Variants in CYP51A1 observed in about 807,000 individuals in gnomAD.
CYP51A1 encodes cytochrome P450 family 51 subfamily A member 1, also known as lanosterol 14-alpha demethylase.
Under a neutral mutation model 53.5 loss-of-function variants are expected in CYP51A1, and 45 were observed. The observed-to-expected ratio is 0.84, with a 90% CI of 0.66 to 1.08. The LOEUF is 1.08. Ranked by LOEUF, CYP51A1 falls within the 50% of genes least tolerant of loss-of-function variation. The pLI is 0.00. For missense variants in CYP51A1, 462 were observed against 621.7 expected (o/e 0.74, Z 2.73); for synonymous variants, 181 against 217.7 (o/e 0.83, Z 1.48).
At chr7:92,129,166 T>A in intron 2 of CYP51A1, 110 bp from the exon 3 acceptor site, 1 of 637,894 alleles carries the variant, frequency 1.6e-6, no homozygotes, top group South Asian at 2.8e-5. Flanking sequence ...AAAACATATA[T>A]AAACCTTAAA....
chr7:92,123,191 G>A lies in CYP51A1; in HGVS notation c.1015C>T (p.Leu339Phe). 1.2e-6 allele frequency: 2 copies of A among 1,613,766 alleles called. No individual in the cohort carries two copies. The highest frequency in any genetic ancestry group is 1.7e-6 in the Non-Finnish European group (2 of 1,179,800). ...TGTTCTAAATAACATTTTTTTTGAA[G>A]TGTTTTGTCTCTGGCCAAAAAGAAG... ...MGFFLARDKTLQKKCYLEQKT... is the reference protein window; with the variant it reads ...MGFFLARDKTFQKKCYLEQKT... The change falls in exon 7 of 10, where the codon CTT becomes TTT. Residue 339 changes from leucine (L) to phenylalanine (F), a missense_variant. By Grantham distance (22) the Leu-to-Phe change is conservative. Transcript: ENST00000003100.
rs368928252 is a variant in CYP51A1 at position 92,127,634 on chromosome 7, T to C, written c.469-3A>G. The C allele has an allele frequency of 3.1e-6, 5 of 1,613,264 alleles. No homozygotes were observed. In the African/African-American group the frequency reaches 5.3e-5, roughly 17 times the overall value. On this transcript the variant is annotated splice_polypyrimidine_tract_variant and splice_region_variant and intron_variant, in intron 3 of 9. Coordinates refer to ENST00000003100, the MANE Select transcript of CYP51A1 (RefSeq NM_000786.4). ...ATTTTCTTCTGCTCCAAGAAAACCT[T>C]CAAAAAAATTCAAAACGGGGATACG...
chr7:92,128,428 C>CTCTGTGTGTGTGTGTGTGTGTGTG lies in CYP51A1; in HGVS notation c.468+451_468+452insCACACACACACACACACACACAGA, dbSNP rs112952169. 4.1e-4 allele frequency among the ~76,000 whole-genome samples: 59 copies of CTCTGTGTGTGTGTGTGTGTGTGTG among 143,130 alleles called. 1 individual carries two copies. Among genetic ancestry groups the CTCTGTGTGTGTGTGTGTGTGTGTG allele is most frequent in the African/African-American group, 1.3e-3 (51 of 38,672 alleles). 93.9% of individuals were successfully genotyped at this position (143,130 alleles called of 152,430 possible). A position where few individuals can be genotyped will look rare whatever the true frequency, so the allele number is the denominator to read the frequency against. ...TATTACATTTTTGTTTGGTTGGTTT[C>CTCTGTGTGTGTGTGTGTGTGTGTG]TGTGTGTGTGTGTGTGTGTGTGTGT... On this transcript the variant is annotated intron_variant, in intron 3 of 9. Transcript: ENST00000003100.
chr7:92,113,509 A>G lies in CYP51A1; in HGVS notation c.*156T>C. On this transcript the variant is annotated 3_prime_UTR_variant, in exon 10 of 10. Coordinates refer to ENST00000003100, the MANE Select transcript of CYP51A1 (RefSeq NM_000786.4). Reference sequence around the variant, plus strand: ...AAATGCTATTATATTTGATAGAACCATTCAGTTAACAAAATCCTAAATCAT... The same window carrying G: ...AAATGCTATTATATTTGATAGAACCGTTCAGTTAACAAAATCCTAAATCAT... 1.6e-6 allele frequency: 1 copy of G among 638,552 alleles called. No homozygotes were observed. The highest frequency in any genetic ancestry group is 2.7e-6 in the Non-Finnish European group (1 of 373,686). 39.6% of individuals were successfully genotyped at this position (638,552 alleles called of 1,614,324 possible).
chr7:92,112,587 T>C lies in CYP51A1; in HGVS notation c.*1078A>G, dbSNP rs1328235086. The C allele has an allele frequency of 1.3e-5, 2 of 152,202 alleles. No homozygotes were observed. The highest frequency in any genetic ancestry group is 2.9e-5 in the Non-Finnish European group (2 of 68,140). The allele number at this position is 152,202 out of a possible 1,614,324, so 9.4% of individuals were successfully genotyped here. A position where few individuals can be genotyped will look rare whatever the true frequency, so the allele number is the denominator to read the frequency against. ...GCTCATGCCTGTAATCCCAGCACTT[T>C]GGGAGGCCAAGGCGGGTGGATCACG... On this transcript the variant is annotated 3_prime_UTR_variant, in exon 10 of 10. Transcript: ENST00000003100.
At position 92,113,379 on chromosome 7, in the gene CYP51A1, T is replaced by G; in HGVS notation, c.*286A>C. The G allele has an allele frequency of 3.5e-6, 1 of 287,078 alleles. No homozygotes were observed. Among genetic ancestry groups the G allele is most frequent in the Admixed American group, 5.5e-5 (1 of 18,082 alleles). The allele number at this position is 287,078 out of a possible 1,614,324, so 17.8% of individuals were successfully genotyped here. A position where few individuals can be genotyped will look rare whatever the true frequency, so the allele number is the denominator to read the frequency against. ...TTAAAATTACTATCTGGAAATTATA[T>G]TATTTAGAATCTGCCAATTACCTAG... On this transcript the variant is annotated 3_prime_UTR_variant, in exon 10 of 10. Transcript: ENST00000003100.
intron 5 of CYP51A1, among the ~76,000 whole-genome samples, chr7:92,125,399 C>T (rs1173897995): frequency 1.3e-5 from 2 of 152,084 alleles, no homozygotes; most frequent in Admixed American, 6.5e-5. Flanking sequence ...CAATCTATCT[C>T]CTCCCCATCT....
Position 92,126,354 on chromosome 7 carries a change from A to C in CYP51A1, c.669T>G (p.Ser223Arg). 6.2e-7 allele frequency: 1 copy of C among 1,613,550 alleles called. No homozygotes were observed. The highest frequency in any genetic ancestry group is 8.5e-7 in the Non-Finnish European group (1 of 1,179,748). The change falls in exon 5 of 10, where the codon AGT becomes AGG. Residue 223 changes from serine (S) to arginine (R), a missense_variant. Transcript: ENST00000003100. ...SHCLHGKEIR[S>R]QLNEKVAQLY... ...GCTGTGCTACCTTTTCATTGAGTTG[A>C]CTTCTGATTTCCTTTCCATGCAAAC...
At chr7:92,123,883 T>A in intron 5 of CYP51A1, 30 bp from the exon 6 acceptor site, 1 of 1,534,758 alleles carries the variant, frequency 6.5e-7, no homozygotes, top group South Asian at 1.3e-5. Context: ...ATGATTTTCT[T>A]AAATAAAGAA....
chr7:92,113,947 TAA>T, intron 9 of CYP51A1, 104 bp from the exon 10 acceptor site: 1 of 650,120 alleles, frequency 1.5e-6, no homozygotes, highest in East Asian at 2.9e-5. Context: ...AATGTACAGA[TAA>T]TATAATAAAA....
rs1303110588 is a variant in CYP51A1 at position 92,134,381 on chromosome 7, A to G, written c.-17T>C. ...CGCCGCCATTCACTCCGTCGGAAAC[A>G]CTGAAGGCCGAGGTCGCCACCGCTC... On this transcript the variant is annotated 5_prime_UTR_variant, in exon 1 of 10. Coordinates refer to ENST00000003100, the MANE Select transcript of CYP51A1 (RefSeq NM_000786.4). 3 of 1,556,448 alleles carry G rather than the reference A, an allele frequency of 1.9e-6. No homozygotes were observed. The highest frequency in any genetic ancestry group is 1.2e-5 in the South Asian group (1 of 84,776).
rs751210534 is a variant in CYP51A1, at chr7:92,134,260, C to A, written c.105G>T (p.Met35Ile). ...GGGTGAAGGCGCAGGCGATCAGCAG[C>A]ATGGACAAGAGGTTGCCGCCTGTCA... ...EKVTGGNLLSMLLIACAFTLS... is the reference protein window; with the variant it reads ...EKVTGGNLLSILLIACAFTLS... Residue 35 changes from methionine (M) to isoleucine (I), a missense_variant, in exon 1 of 10, where the codon ATG becomes ATT. Met to Ile is a conservative substitution (Grantham distance 10, BLOSUM62 1). Coordinates refer to ENST00000003100, the MANE Select transcript of CYP51A1 (RefSeq NM_000786.4). 8 of 1,613,370 alleles carry A rather than the reference C, an allele frequency of 5.0e-6. No individual in the cohort carries two copies. The highest frequency in any genetic ancestry group is 5.1e-6 in the Non-Finnish European group (6 of 1,179,728).
In CYP51A1 at chr7:92,125,092, C is replaced by T. The variant is rs371110846; in HGVS notation, c.770+1161G>A. On this transcript the variant is annotated intron_variant, in intron 5 of 9. Coordinates refer to ENST00000003100, the MANE Select transcript of CYP51A1 (RefSeq NM_000786.4). ...CTGGGAAGCAGAGCTTGCAGTGAGC[C>T]GAGCTCATGCCACTGCACTCCAGCC... Among the ~76,000 whole-genome samples, 14 of 145,174 alleles carry T rather than the reference C, an allele frequency of 9.6e-5. No individual in the cohort carries two copies. The South Asian group carries it at 2.2e-3, about 22-fold the overall frequency.
At chr7:92,127,239 T>G (rs1215845366) in intron 4 of CYP51A1, among the ~76,000 whole-genome samples, 1 of 152,202 alleles carries the variant, frequency 6.6e-6, no homozygotes, top group Non-Finnish European at 1.5e-5. Context: ...CCTGCTGCCC[T>G]GGGTCCTGCT....
Position 92,128,990 on chromosome 7 carries a change from C to A in CYP51A1, c.358G>T (p.Ala120Ser). 1 of 1,613,846 alleles carries A rather than the reference C, an allele frequency of 6.2e-7. No homozygotes were observed. The highest frequency in any genetic ancestry group is 1.1e-5 in the South Asian group (1 of 91,074). The change falls in exon 3 of 10, where the codon GCT becomes TCT. Residue 120 changes from alanine (A) to serine (S), a missense_variant. Transcript: ENST00000003100. ...TTTTTACTATTAAAAAGCAGTGCAG[C>A]AGCATCACTCCCCAGAAGGTAAGTA... ...TFTYLLGSDAAALLFNSKNED... is the reference protein window; with the variant it reads ...TFTYLLGSDASALLFNSKNED...
chr7:92,128,428 C>CTCTCTCTGTGTG (rs112952169), intron 3 of CYP51A1, among the ~76,000 whole-genome samples: 5 of 143,044 alleles, frequency 3.5e-5, no homozygotes, highest in African/African-American at 1.3e-4. Flanking sequence ...TGGTTGGTTT[C>CTCTCTCTGTGTG]TGTGTGTGTG....
Position 92,127,507 on chromosome 7 carries a change from T to A in CYP51A1, c.593A>T (p.Lys198Ile). Residue 198 changes from lysine to isoleucine, a missense_variant and splice_region_variant, in exon 4 of 10, where the codon AAA becomes ATA. Coordinates refer to ENST00000003100, the MANE Select transcript of CYP51A1 (RefSeq NM_000786.4). ...YFESWGESGE[K>I]NVFEALSELI... ...CAAACATAAAACATTTTGCTTACTT[T>A]TTTCTCCACTTTCTCCCCAACTCTC... 6.2e-7 allele frequency: 1 copy of A among 1,606,066 alleles called. No homozygotes were observed.
chr7:92,128,814 T>A, intron 3 of CYP51A1, 66 bp downstream of exon 3: 1 of 1,332,416 alleles, frequency 7.5e-7, no homozygotes, highest in Non-Finnish European at 1.0e-6. Context: ...ATGTATAATG[T>A]CTCACTATTA....
At chr7:92,122,304 T>C (rs1296772601) in intron 7 of CYP51A1, among the ~76,000 whole-genome samples, 1 of 143,094 alleles carries the variant, frequency 7.0e-6, no homozygotes, top group Non-Finnish European at 1.5e-5. Flanking sequence ...ATCCACAAAC[T>C]CTTCCAAAAA....
Sources: gnomAD v4.1 joint callset for allele counts (sites outside exome capture counted in the v4.1 genomes callset) on GRCh38, gnomAD v4.1.1 for gene constraint, MANE v1.5 for transcripts, NCBI Gene and HGNC (gene_info 2026-07-23, HGNC 2026-07-21) for gene names.